DNAH9: variants seen among roughly 807,000 people sequenced by gnomAD.
DNAH9 encodes the protein dynein axonemal heavy chain 9.
Under a neutral mutation model 471.6 loss-of-function variants are expected in DNAH9, and 345 were observed. The observed-to-expected ratio is 0.73, with a 90% CI of 0.67 to 0.80. The LOEUF (loss-of-function observed/expected upper bound fraction) is 0.80. DNAH9 is among the 30% of genes least tolerant of loss of function. The pLI, the probability that DNAH9 is intolerant of heterozygous loss-of-function variation, is 0.00. For synonymous variants in DNAH9, 2,093 were observed against 2,123.6 expected, an observed-to-expected ratio of 0.99 and a Z score of 0.40; for missense variants, 5,407 against 5,609.2, an observed-to-expected ratio of 0.96 and a Z score of 1.15.
At position 11,652,769 on chromosome 17, in the gene DNAH9, G is replaced by A. The variant is rs774162630; in HGVS notation, c.2362G>A (p.Asp788Asn). 101 of 1,612,926 alleles carry A rather than the reference G, an allele frequency of 6.3e-5. No homozygotes were observed. The highest frequency in any genetic ancestry group is 1.3e-4 in the South Asian group (12 of 90,884). ...TTTCTTTTGGGGAACAGGCATTTGCGATTATGTCACTGAAATCACCAGTAG... is the reference window on the plus strand; with the variant it reads ...TTTCTTTTGGGGAACAGGCATTTGCAATTATGTCACTGAAATCACCAGTAG... ...TLNWKTEGIC[D>N]YVTEITSSIH... Residue 788 changes from aspartate (D) to asparagine (N), a missense_variant, in exon 14 of 69, where the codon GAT becomes AAT. Around this residue, in one of 3 missense-constraint regions of DNAH9, gnomAD observed 4,636 missense variants for 4,900.3 expected, o/e 0.95. Coordinates refer to ENST00000262442, the MANE Select transcript of DNAH9 (RefSeq NM_001372.4).
chr17:11,926,431 A>T (rs1974330580), intron 62 of DNAH9, among the ~76,000 whole-genome samples: 1 of 151,916 alleles, frequency 6.6e-6, no homozygotes, highest in South Asian at 2.1e-4. Context: ...AACAGGCCTC[A>T]GTGTGTTTGT....
chr17:11,745,945 G>A (rs999987264), intron 31 of DNAH9, among the ~76,000 whole-genome samples: 31 of 152,160 alleles, frequency 2.0e-4, no homozygotes, highest in Non-Finnish European at 1.2e-4. Context: ...ATGTATAGAG[G>A]ATCAATTTAG....
chr17:11,844,868 A>G (rs529931418), intron 49 of DNAH9, among the ~76,000 whole-genome samples: 1 of 152,172 alleles, frequency 6.6e-6, no homozygotes, highest in South Asian at 2.1e-4. Flanking sequence ...ATTGTATTTC[A>G]TTGCGGTTTT....
intron 67 of DNAH9, among the ~76,000 whole-genome samples, chr17:11,948,149 C>CA (rs1975207461): frequency 6.7e-6 from 1 of 150,060 alleles, no homozygotes; most frequent in Non-Finnish European, 1.5e-5. Flanking sequence ...TCCTGATTGA[C>CA]AAAATCTGTT....
At chr17:11,940,307 A>C (rs2151044528) in intron 66 of DNAH9, among the ~76,000 whole-genome samples, 1 of 152,006 alleles carries the variant, frequency 6.6e-6, no homozygotes, top group African/African-American at 2.4e-5. Context: ...AGGCCCCCAC[A>C]CCCTTTACAG....
chr17:11,627,855 T>C (rs1043568631), intron 6 of DNAH9, among the ~76,000 whole-genome samples: 1 of 152,150 alleles, frequency 6.6e-6, no homozygotes, highest in African/African-American at 2.4e-5. Context: ...AAGTCAGCCA[T>C]TGTCCCCACT....
intron 50 of DNAH9, among the ~76,000 whole-genome samples, chr17:11,861,449 A>C (rs988140080): frequency 7.2e-5 from 11 of 152,032 alleles, no homozygotes; most frequent in African/African-American, 2.7e-4. Context: ...GTTGGTTCCA[A>C]GTCTTTGCTA....
At chr17:11,655,381 T>C (rs2150707854) in intron 14 of DNAH9, among the ~76,000 whole-genome samples, 1 of 148,504 alleles carries the variant, frequency 6.7e-6, no homozygotes, top group East Asian at 2.0e-4. Context: ...TGTGTGTGTG[T>C]GTGTAGAACT....
In DNAH9 at chr17:11,699,896, C is replaced by T. The variant is rs1194138629; in HGVS notation, c.5025+13C>T. The T allele has an allele frequency of 2.5e-6, 4 of 1,613,334 alleles. No homozygotes were observed. Among genetic ancestry groups the T allele is most frequent in the East Asian group, 2.2e-5 (1 of 44,860 alleles). On this transcript the variant is annotated intron_variant, in intron 23 of 68. Transcript: ENST00000262442. ...CTGCAGCGGGCAGGTAACACAGTAGCCCTTTCCCCTCCTTCTGCTTTTCTC... is the reference window on the plus strand; with the variant it reads ...CTGCAGCGGGCAGGTAACACAGTAGTCCTTTCCCCTCCTTCTGCTTTTCTC...
chr17:11,931,379 C>T (rs1474135351), intron 63 of DNAH9, among the ~76,000 whole-genome samples: 4 of 152,198 alleles, frequency 2.6e-5, no homozygotes, highest in East Asian at 1.9e-4. Context: ...ACTGTGCCAC[C>T]TAAACCAACA....
chr17:11,701,138 A>C lies in DNAH9; in HGVS notation c.5042A>C (p.Asn1681Thr), dbSNP rs1327144115. The C allele has an allele frequency of 1.2e-6, 2 of 1,614,050 alleles. No individual in the cohort carries two copies. Among genetic ancestry groups the C allele is most frequent in the African/African-American group, 2.7e-5 (2 of 74,930 alleles). Residue 1681 changes from asparagine (N) to threonine (T), a missense_variant, in exon 24 of 69, where the codon AAC becomes ACC. Physicochemically the swap from Asn to Thr is moderately conservative, Grantham distance 65. Transcript: ENST00000262442. ...DCSGQVEIWLNHVLGHMKATV... is the reference protein window; with the variant it reads ...DCSGQVEIWLTHVLGHMKATV... ...TTCTTTCAGGTAGAAATATGGCTGAACCATGTCCTTGGTCACATGAAGGCC... is the reference window on the plus strand; with the variant it reads ...TTCTTTCAGGTAGAAATATGGCTGACCCATGTCCTTGGTCACATGAAGGCC...
intron 48 of DNAH9, among the ~76,000 whole-genome samples, chr17:11,833,466 G>A (rs1341495349): frequency 2.0e-5 from 3 of 152,160 alleles, no homozygotes; most frequent in African/African-American, 7.2e-5. Context: ...AAAGAGGGAA[G>A]GCTTCCAGTG....
chr17:11,688,177 G>A (rs1208133885), intron 19 of DNAH9, among the ~76,000 whole-genome samples: 1 of 150,710 alleles, frequency 6.6e-6, no homozygotes, highest in Non-Finnish European at 1.5e-5. Flanking sequence ...AGGAACGCAT[G>A]CTTTGCTGTA....
chr17:11,676,819 T>A (rs1040582558), intron 17 of DNAH9, among the ~76,000 whole-genome samples: 1 of 152,164 alleles, frequency 6.6e-6, no homozygotes, highest in Non-Finnish European at 1.5e-5. Context: ...ATAAATTCTC[T>A]TCTAAATACA....
chr17:11,835,012 C>G (rs1406938590), intron 49 of DNAH9, 114 bp downstream of exon 49: 11 of 1,361,524 alleles, frequency 8.1e-6, no homozygotes, highest in Non-Finnish European at 1.1e-5. Context: ...AGGGTGGGCT[C>G]CAACTGTCAC....
intron 62 of DNAH9, among the ~76,000 whole-genome samples, chr17:11,924,337 G>A (rs1318774121): frequency 6.6e-6 from 1 of 152,210 alleles, no homozygotes; most frequent in Non-Finnish European, 1.5e-5. Context: ...TGGGCTGTGT[G>A]TCATATGCTC....
intron 1 of DNAH9, among the ~76,000 whole-genome samples, chr17:11,607,802 T>A (rs182328170): frequency 3.3e-5 from 5 of 152,110 alleles, no homozygotes; most frequent in Admixed American, 3.3e-4. Flanking sequence ...ACTCCCGACC[T>A]CAGGTGATCC....
chr17:11,905,516 G>A (rs2151015454), intron 60 of DNAH9, 145 bp from the exon 61 acceptor site: 1 of 802,942 alleles, frequency 1.2e-6, no homozygotes, highest in Admixed American at 3.0e-5. Context: ...ATAAGCAGTG[G>A]ACTTGGAGCC....
chr17:11,634,828 T>C (rs7217504), intron 8 of DNAH9, among the ~76,000 whole-genome samples: 59,014 of 152,028 alleles, frequency 0.39, 11,792 homozygotes, highest in Middle Eastern at 0.47. Context: ...ATGGCCTGGA[T>C]GCCTCAGACT....
Sources: gnomAD v4.1 joint callset for allele counts (sites outside exome capture counted in the v4.1 genomes callset) on GRCh38, gnomAD v4.1.1 for gene constraint, gnomAD v4.1.1 regional missense constraint, MANE v1.5 for transcripts, NCBI Gene and HGNC (gene_info 2026-07-23, HGNC 2026-07-21) for gene names.